Variants in GABPB1 observed in about 807,000 individuals in gnomAD.
GABPB1 encodes the protein GA-binding protein subunit beta-1.
A neutral mutation model predicts 45.9 loss-of-function variants in GABPB1; 15 were observed. The observed-to-expected ratio is 0.33, with a 90% CI of 0.22 to 0.50. The LOEUF (loss-of-function observed/expected upper bound fraction) is 0.50. Among genes scored for constraint, GABPB1 ranks in the 20% least tolerant of loss-of-function variants. The pLI is 0.98. For synonymous variants in GABPB1, 143 were observed against 154.4 expected (o/e 0.93, Z 0.55); for missense variants, 252 against 457.5 (o/e 0.55, Z 4.10).
At chr15:50,308,895 A>T (rs894504929) in intron 2 of GABPB1, among the ~76,000 whole-genome samples, 1 of 152,212 alleles carries the variant, frequency 6.6e-6, no homozygotes, top group African/African-American at 2.4e-5. Context: ...CAGAACAAAA[A>T]ATAATACAGT....
At chr15:50,307,701 CAA>C (rs35298471) in intron 2 of GABPB1, among the ~76,000 whole-genome samples, 13 of 131,642 alleles carry the variant, frequency 9.9e-5, no homozygotes, top group Admixed American at 7.7e-5. Flanking sequence ...GACTCCATCT[CAA>C]AAAAAAAAAA....
Position 50,278,111 on chromosome 15 carries a change from A to C in GABPB1, c.*521T>G, listed in dbSNP as rs186979585. The C allele has an allele frequency of 6.5e-6, 1 of 152,776 alleles. No homozygotes were observed. Among genetic ancestry groups the C allele is most frequent in the Admixed American group, 6.5e-5 (1 of 15,308 alleles). The allele number at this position is 152,776 out of a possible 1,614,324, so 9.5% of individuals were successfully genotyped here. A position where few individuals can be genotyped will look rare whatever the true frequency, so the allele number is the denominator to read the frequency against. ...TATAGCTGAAATTGAACAAATATAA[A>C]AATTTTGCTTTCTAAAAAATGTTTT... On this transcript the variant is annotated 3_prime_UTR_variant, in exon 9 of 9. Transcript: ENST00000380877.
At chr15:50,336,426 T>C (rs2048129057) in intron 1 of GABPB1, among the ~76,000 whole-genome samples, 1 of 149,206 alleles carries the variant, frequency 6.7e-6, no homozygotes, top group Non-Finnish European at 1.5e-5. Context: ...AGGTACAGTG[T>C]CTCACACCTG....
chr15:50,332,131 T>G (rs2047969335), intron 1 of GABPB1, among the ~76,000 whole-genome samples: 1 of 152,138 alleles, frequency 6.6e-6, no homozygotes, highest in South Asian at 2.1e-4. Context: ...TGCCTCGGCC[T>G]CCCAAAGTGC....
Position 50,278,564 on chromosome 15 carries a change from G to C in GABPB1, c.*68C>G, listed in dbSNP as rs1010361811. The C allele has an allele frequency of 1.5e-6, 2 of 1,332,606 alleles. No homozygotes were observed. Among genetic ancestry groups the C allele is most frequent in the Admixed American group, 1.9e-5 (1 of 51,694 alleles). The allele number at this position is 1,332,606 out of a possible 1,614,324, so 82.5% of individuals were successfully genotyped here. ...TCTGTATTCCCATGGCTGTACCTTT[G>C]TTGTGTACAGTTCAAGATTGTATTC... On this transcript the variant is annotated 3_prime_UTR_variant, in exon 9 of 9. Transcript: ENST00000380877.
rs77004108 is a variant in GABPB1, at chr15:50,307,167, T to C, written c.108+2524A>G. On this transcript the variant is annotated intron_variant, in intron 2 of 8. Coordinates refer to ENST00000380877, the MANE Select transcript of GABPB1 (RefSeq NM_016654.5). Reference sequence around the variant, plus strand: ...CTGTCTTCCATAACGATTATACCAATTCCATACTTCCACCAAAAATATTTG... The same window carrying C: ...CTGTCTTCCATAACGATTATACCAACTCCATACTTCCACCAAAAATATTTG... 8.5e-5 allele frequency among the ~76,000 whole-genome samples: 13 copies of C among 152,284 alleles called. No individual in the cohort carries two copies. In the East Asian group the frequency reaches 2.3e-3, roughly 27 times the overall value.
intron 1 of GABPB1, among the ~76,000 whole-genome samples, chr15:50,313,056 A>G (rs1018663198): frequency 1.3e-5 from 2 of 152,202 alleles, no homozygotes; most frequent in African/African-American, 4.8e-5. Context: ...CAACTTCTAC[A>G]TATTAAAATA....
intron 1 of GABPB1, among the ~76,000 whole-genome samples, chr15:50,336,652 C>G (rs1013343566): frequency 1.3e-5 from 2 of 151,786 alleles, no homozygotes; most frequent in African/African-American, 4.8e-5. Flanking sequence ...CACTGCACTC[C>G]ATCCTGGGCA....
At chr15:50,338,962 A>G (rs2048244130) in intron 1 of GABPB1, among the ~76,000 whole-genome samples, 1 of 151,898 alleles carries the variant, frequency 6.6e-6, no homozygotes, top group Non-Finnish European at 1.5e-5. Context: ...GGAGTTCAAG[A>G]CCAGCCTAGC....
At chr15:50,337,081 A>G (rs1444998171) in intron 1 of GABPB1, among the ~76,000 whole-genome samples, 27 of 1,908 alleles carry the variant, frequency 0.014, no homozygotes, top group East Asian at 0.12. Flanking sequence ...GTGTGTATAT[A>G]TATATATATA....
At chr15:50,347,320 T>C (rs1280221810) in intron 1 of GABPB1, 1 of 152,154 alleles carries the variant, frequency 6.6e-6, no homozygotes, top group African/African-American at 2.4e-5. Flanking sequence ...TTGGCAAAGA[T>C]CACAGAGTTC....
intron 1 of GABPB1, chr15:50,351,759 G>C (rs1008494564): frequency 6.6e-6 from 1 of 152,030 alleles, no homozygotes; most frequent in African/African-American, 2.4e-5. Context: ...TCTTTGTATA[G>C]AGCACTGTGA....
At chr15:50,315,296 T>G (rs1458142711) in intron 1 of GABPB1, among the ~76,000 whole-genome samples, 1 of 152,128 alleles carries the variant, frequency 6.6e-6, no homozygotes, top group East Asian at 1.9e-4. Flanking sequence ...TAAACCCGGC[T>G]GATTTTTGTA....
At chr15:50,299,724 G>C (rs1442026138) in intron 6 of GABPB1, among the ~76,000 whole-genome samples, 6 of 152,092 alleles carry the variant, frequency 3.9e-5, no homozygotes, top group African/African-American at 1.4e-4. Context: ...AGTGGTTTCT[G>C]TATACTATTT....
At chr15:50,310,507 C>A (rs1232299468) in intron 1 of GABPB1, among the ~76,000 whole-genome samples, 1 of 152,140 alleles carries the variant, frequency 6.6e-6, no homozygotes, top group Admixed American at 6.5e-5. Flanking sequence ...GTTGTTGGTG[C>A]AAATTAAACT....
intron 6 of GABPB1, among the ~76,000 whole-genome samples, chr15:50,300,535 C>T (rs909901681): frequency 4.0e-5 from 6 of 149,042 alleles, no homozygotes; most frequent in South Asian, 2.1e-4. Flanking sequence ...CTTCACCTCC[C>T]GGGTTCAAGC....
Position 50,302,319 on chromosome 15 carries a change from T to C in GABPB1, c.471+610A>G, listed in dbSNP as rs189636335. ...TTATAGTAGACTTGGAAAAACCATA[T>C]AGTATCAAAATGCAACAAAAATAAT... is the stretch of plus-strand genomic sequence containing the variant. On this transcript the variant is annotated intron_variant, in intron 4 of 8. Transcript: ENST00000380877. Among the ~76,000 whole-genome samples, 28 of 152,252 alleles carry C rather than the reference T, an allele frequency of 1.8e-4. No homozygotes were observed. In the East Asian group the frequency reaches 5.4e-3, roughly 29 times the overall value.
intron 1 of GABPB1, among the ~76,000 whole-genome samples, chr15:50,331,865 TTTTTG>T (rs2047959140): frequency 7.1e-6 from 1 of 140,750 alleles, no homozygotes; most frequent in African/African-American, 2.8e-5. Flanking sequence ...TCAGTTTTTT[TTTTTG>T]TTTTTTGTTT....
chr15:50,282,156 C>T, intron 8 of GABPB1: 1 of 374,976 alleles, frequency 2.7e-6, no homozygotes, highest in South Asian at 2.0e-5. Flanking sequence ...ACTGTGATTG[C>T]ACCACTGCAC....
Sources: allele counts gnomAD v4.1 joint callset (sites outside exome capture counted in the v4.1 genomes callset), GRCh38; gene constraint gnomAD v4.1.1; transcripts MANE v1.5; gene names NCBI Gene and HGNC (gene_info 2026-07-23, HGNC 2026-07-21).